The following DPYD variants were observed in gnomAD, a reference collection of about 807,000 sequenced individuals.
The protein encoded by DPYD is dihydropyrimidine dehydrogenase [NADP(+)].
DPYD carries 109 observed loss-of-function variants against 116.2 expected under a neutral mutation model. The observed-to-expected ratio is 0.94, with a 90% confidence interval of 0.80 to 1.10. The LOEUF (loss-of-function observed/expected upper bound fraction) is 1.10, where lower values mean the gene tolerates loss of function less well. Among genes scored for constraint, DPYD ranks in the 50% least tolerant of loss-of-function variants. The pLI, the probability that DPYD is intolerant of heterozygous loss-of-function variation, is 0.00. For missense variants in DPYD, 1,302 were observed against 1,254.5 expected (o/e 1.04, Z -0.57); for synonymous variants, 440 against 432.0 (o/e 1.02, Z -0.23).
chr1:97,755,519 G>A (rs1372414871), intron 3 of DPYD, among the ~76,000 whole-genome samples: 1 of 152,134 alleles, frequency 6.6e-6, no homozygotes, highest in Non-Finnish European at 1.5e-5. Context: ...GCTGGTAACT[G>A]TGCACAATGA....
At chr1:97,477,955 C>T (rs1348691136) in intron 13 of DPYD, among the ~76,000 whole-genome samples, 1 of 152,172 alleles carries the variant, frequency 6.6e-6, no homozygotes, top group Non-Finnish European at 1.5e-5. Context: ...TAAATGTTTT[C>T]AACTGACTAT....
intron 20 of DPYD, among the ~76,000 whole-genome samples, chr1:97,127,140 C>G (rs185636987): frequency 6.6e-6 from 1 of 152,054 alleles, no homozygotes; most frequent in South Asian, 2.1e-4. Context: ...TTCTTGGACA[C>G]GAACAAGGCC....
At chr1:97,287,052 T>C (rs1476362802) in intron 18 of DPYD, among the ~76,000 whole-genome samples, 1 of 152,172 alleles carries the variant, frequency 6.6e-6, no homozygotes, top group Non-Finnish European at 1.5e-5. Flanking sequence ...CCCATCTTTG[T>C]GGTTTTATCT....
At position 97,683,867 on chromosome 1, in the gene DPYD, G is replaced by GA. The variant is rs552546358; in HGVS notation, c.763-4686dup. ...CTACATAACTGTTGTCTACACGGGG[G>GA]AAAAAAACCTACTTTCTGAAGAAAA... On this transcript the variant is annotated intron_variant, in intron 7 of 22. Transcript: ENST00000370192. Among the ~76,000 whole-genome samples the GA allele has an allele frequency of 1.8e-3, 277 of 151,850 alleles. 1 individual carries two copies. The highest frequency in any genetic ancestry group is 6.2e-3 in the African/African-American group (256 of 41,442).
intron 20 of DPYD, among the ~76,000 whole-genome samples, chr1:97,148,791 A>C (rs970733230): frequency 1.3e-5 from 2 of 152,216 alleles, no homozygotes; most frequent in African/African-American, 4.8e-5. Context: ...AAAACTTCTA[A>C]TGATTCTTCT....
chr1:97,174,170 C>A (rs1162574142), intron 20 of DPYD, among the ~76,000 whole-genome samples: 1 of 152,056 alleles, frequency 6.6e-6, no homozygotes, highest in East Asian at 1.9e-4. Flanking sequence ...GAGTCCAGCC[C>A]TGCATGTAAT....
At chr1:97,126,241 C>T (rs1402700161) in intron 20 of DPYD, among the ~76,000 whole-genome samples, 1 of 152,104 alleles carries the variant, frequency 6.6e-6, no homozygotes, top group Non-Finnish European at 1.5e-5. Context: ...TAAATTTGCT[C>T]AAGTAGAACT....
intron 20 of DPYD, among the ~76,000 whole-genome samples, chr1:97,160,742 T>C (rs1443794428): frequency 6.6e-6 from 1 of 152,154 alleles, no homozygotes; most frequent in Non-Finnish European, 1.5e-5. Flanking sequence ...AATTGTTTAC[T>C]TCATCCACAA....
Position 97,767,360 on chromosome 1 carries a change from T to C in DPYD, c.234-26881A>G, listed in dbSNP as rs190206002. ...AACCTTTGCAATGGGACTTTGCAGC[T>C]CTTCTTATCAAAGGGTAGGCTTTTT... On this transcript the variant is annotated intron_variant, in intron 3 of 22. Transcript: ENST00000370192. Among the ~76,000 whole-genome samples, 13 of 152,268 alleles carry C rather than the reference T, an allele frequency of 8.5e-5. No homozygotes were observed. In the East Asian group the frequency reaches 2.5e-3, roughly 29 times the overall value.
chr1:97,262,509 A>G (rs1190693438), intron 18 of DPYD, among the ~76,000 whole-genome samples: 2 of 152,130 alleles, frequency 1.3e-5, no homozygotes, highest in Non-Finnish European at 2.9e-5. Context: ...TACATTTTCC[A>G]CTAAAACTTG....
chr1:97,094,000 G>C (rs544864579), intron 21 of DPYD, among the ~76,000 whole-genome samples: 1 of 151,862 alleles, frequency 6.6e-6, no homozygotes. Context: ...AGCCTGGATC[G>C]TTCTCATATA....
intron 5 of DPYD, among the ~76,000 whole-genome samples, chr1:97,715,911 T>C (rs1303356620): frequency 4.6e-5 from 7 of 152,166 alleles, no homozygotes; most frequent in East Asian, 3.9e-4. Flanking sequence ...TCTCCTAAAA[T>C]AGAGTTGTAG....
At position 97,376,865 on chromosome 1, in the gene DPYD, T is replaced by TTGTGTGTGTGTGTGTGTG. The variant is rs66598688; in HGVS notation, c.1975-3239_1975-3222dup. Among the ~76,000 whole-genome samples, 21 of 134,690 alleles carry TTGTGTGTGTGTGTGTGTG rather than the reference T, an allele frequency of 1.6e-4. 1 individual carries two copies. Among genetic ancestry groups the TTGTGTGTGTGTGTGTGTG allele is most frequent in the Admixed American group, 4.7e-4 (6 of 12,762 alleles). 88.4% of individuals were successfully genotyped at this position (134,690 alleles called of 152,430 possible). A position where few individuals can be genotyped will look rare whatever the true frequency, so the allele number is the denominator to read the frequency against. On this transcript the variant is annotated intron_variant, in intron 15 of 22. Coordinates refer to ENST00000370192, the MANE Select transcript of DPYD (RefSeq NM_000110.4). ...TCTATACACAGTAGAAAGAGAGAGT[T>TTGTGTGTGTGTGTGTGTG]TGTGTGTGTGTGTGTGTGTGTGTAT...
chr1:97,085,160 T>C (rs1257143577), intron 21 of DPYD, among the ~76,000 whole-genome samples: 1 of 152,194 alleles, frequency 6.6e-6, no homozygotes, highest in East Asian at 1.9e-4. Context: ...AGAAAATAAT[T>C]TTTTAAATCT....
chr1:97,534,559 T>G (rs1286807144), intron 12 of DPYD, among the ~76,000 whole-genome samples: 3 of 152,174 alleles, frequency 2.0e-5, no homozygotes, highest in Non-Finnish European at 4.4e-5. Flanking sequence ...ATTACATTTT[T>G]TTCTTTTATT....
chr1:97,584,817 G>T (rs12752059), intron 10 of DPYD, among the ~76,000 whole-genome samples: 1 of 108,094 alleles, frequency 9.3e-6, no homozygotes, highest in Admixed American at 1.1e-4. Context: ...GGGGAGGGGG[G>T]AGGGATAGCA....
chr1:97,304,443 T>C (rs1246665317), intron 18 of DPYD, among the ~76,000 whole-genome samples: 1 of 151,992 alleles, frequency 6.6e-6, no homozygotes, highest in South Asian at 2.1e-4. Context: ...GCATACTTCA[T>C]ACTCTCAAAA....
intron 21 of DPYD, among the ~76,000 whole-genome samples, chr1:97,087,877 CA>C (rs1649627085): frequency 6.6e-6 from 1 of 152,140 alleles, no homozygotes; most frequent in African/African-American, 2.4e-5. Flanking sequence ...TATAATTTAA[CA>C]GTGTACCACC....
chr1:97,763,069 C>A (rs1022859471), intron 3 of DPYD, among the ~76,000 whole-genome samples: 1 of 151,928 alleles, frequency 6.6e-6, no homozygotes, highest in African/African-American at 2.4e-5. Flanking sequence ...TCATTAACAC[C>A]CAGCATGAAA....
Sources: allele counts gnomAD v4.1 joint callset (sites outside exome capture counted in the v4.1 genomes callset), GRCh38; gene constraint gnomAD v4.1.1; transcripts MANE v1.5; gene names NCBI Gene and HGNC (gene_info 2026-07-23, HGNC 2026-07-21).